ARHGAP17: variants seen among roughly 807,000 people sequenced by gnomAD.
ARHGAP17 encodes Rho GTPase activating protein 17.
In ARHGAP17, 57 loss-of-function variants were observed where a neutral mutation model predicts 99.5. The observed-to-expected ratio is 0.57, with a 90% CI of 0.46 to 0.71. ARHGAP17 has a LOEUF of 0.71. Ranked by LOEUF, ARHGAP17 falls within the 30% of genes least tolerant of loss-of-function variation. ARHGAP17 has a pLI of 0.00. For synonymous variants in ARHGAP17, 417 were observed against 429.6 expected, an observed-to-expected ratio of 0.97 and a Z score of 0.36; for missense variants, 1,000 against 1,122.4, an observed-to-expected ratio of 0.89 and a Z score of 1.56.
At position 24,919,956 on chromosome 16, in the gene ARHGAP17, T is replaced by C; in HGVS notation, c.*174A>G. 1 of 856,668 alleles carries C rather than the reference T, an allele frequency of 1.2e-6. No individual in the cohort carries two copies. Among genetic ancestry groups the C allele is most frequent in the South Asian group, 2.2e-5 (1 of 44,692 alleles). 53.1% of individuals were successfully genotyped at this position (856,668 alleles called of 1,614,324 possible). Reference sequence around the variant, plus strand: ...CAAGACACAGGTCATTCAGCTTTAGTGGTGGCCTCCAGGTTCTCCTTGGGC... The same window carrying C: ...CAAGACACAGGTCATTCAGCTTTAGCGGTGGCCTCCAGGTTCTCCTTGGGC... On this transcript the variant is annotated 3_prime_UTR_variant, in exon 20 of 20. Transcript: ENST00000289968.
Position 24,939,571 on chromosome 16 carries a change from T to A in ARHGAP17, c.1517A>T (p.Gln506Leu). 1 of 1,606,978 alleles carries A rather than the reference T, an allele frequency of 6.2e-7. No individual in the cohort carries two copies. Among genetic ancestry groups the A allele is most frequent in the Non-Finnish European group, 8.5e-7 (1 of 1,177,420 alleles). The change falls in exon 17 of 20, where the codon CAG (glutamine) becomes CTG (leucine). Residue 506 changes from glutamine to leucine, a missense_variant. Coordinates refer to ENST00000289968, the MANE Select transcript of ARHGAP17 (RefSeq NM_001006634.3). ...TAGAGTGCCACCCCGCCGGTGGGCC[T>A]GGAAGTCCATAAGCTTCACACCAAA... ...ESFGVKLMDF[Q>L]AHRRGGTLNR...
At chr16:24,947,396 T>C (rs2051503537) in intron 14 of ARHGAP17, 86 bp downstream of exon 14, 1 of 1,199,118 alleles carries the variant, frequency 8.3e-7, no homozygotes, top group East Asian at 2.5e-5. Context: ...GATCTTAAAC[T>C]AGAATGTGTA....
chr16:24,986,149 G>C (rs952705318), intron 1 of ARHGAP17, among the ~76,000 whole-genome samples: 19 of 152,192 alleles, frequency 1.2e-4, no homozygotes, highest in Admixed American at 9.2e-4. Flanking sequence ...GCCAACAGTA[G>C]CAGCCATATT....
At chr16:24,960,691 C>T (rs1288093249) in intron 7 of ARHGAP17, among the ~76,000 whole-genome samples, 1 of 149,458 alleles carries the variant, frequency 6.7e-6, no homozygotes, top group African/African-American at 2.5e-5. Flanking sequence ...GTGGCGGGCA[C>T]CTGTAGTCCC....
At position 24,943,794 on chromosome 16, in the gene ARHGAP17, T is replaced by C; in HGVS notation, c.1310A>G (p.His437Arg). 3 of 1,614,198 alleles carry C rather than the reference T, an allele frequency of 1.9e-6. No homozygotes were observed. The highest frequency in any genetic ancestry group is 1.7e-6 in the Non-Finnish European group (2 of 1,180,012). ...ACCTTCAGGGAAGAACCAGTCGGCA[T>C]GCTGAATGATGGGTTCAATCACTGC... ...VVAVIEPIIQ[H>R]ADWFFPEEVE... Residue 437 changes from histidine to arginine, a missense_variant, in exon 15 of 20, where the codon CAT becomes CGT. This residue lies in a region of ARHGAP17 where 472 missense variants were observed against 611.1 expected (regional missense o/e 0.77). Transcript: ENST00000289968.
At chr16:25,013,175 A>C (rs2053686593) in intron 1 of ARHGAP17, among the ~76,000 whole-genome samples, 3 of 152,250 alleles carry the variant, frequency 2.0e-5, no homozygotes, top group African/African-American at 7.2e-5. Context: ...TCAGAGGCAG[A>C]GGGACCTTTC....
At chr16:24,920,351 A>G in intron 19 of ARHGAP17, 91 bp from the exon 20 acceptor site, 2 of 1,521,724 alleles carry the variant, frequency 1.3e-6, no homozygotes, top group African/African-American at 2.8e-5. Context: ...GAGGCTGGGA[A>G]GTTTCAGGGT....
intron 19 of ARHGAP17, among the ~76,000 whole-genome samples, chr16:24,930,038 AAATT>A (rs1473123227): frequency 2.0e-5 from 3 of 152,238 alleles, no homozygotes; most frequent in Non-Finnish European, 2.9e-5. Flanking sequence ...ATTAAATAAT[AAATT>A]AGAGCATTTG....
intron 19 of ARHGAP17, among the ~76,000 whole-genome samples, chr16:24,923,523 G>A (rs376045804): frequency 4.6e-5 from 7 of 152,080 alleles, no homozygotes; most frequent in East Asian, 1.9e-4. Flanking sequence ...CCAGAAGTTC[G>A]AGACCAGCCC....
chr16:24,982,994 A>ATTTT (rs2052739702), intron 1 of ARHGAP17, among the ~76,000 whole-genome samples: 1 of 17,386 alleles, frequency 5.8e-5, no homozygotes, highest in African/African-American at 1.6e-4. Flanking sequence ...ATATATATAT[A>ATTTT]TATTTTTTTT....
intron 11 of ARHGAP17, 30 bp downstream of exon 11, chr16:24,952,901 C>T (rs762288204): frequency 7.5e-6 from 12 of 1,604,314 alleles, no homozygotes; most frequent in Non-Finnish European, 1.0e-5. Context: ...TTGAGGGTGA[C>T]TTGATTTGCA....
intron 13 of ARHGAP17, among the ~76,000 whole-genome samples, chr16:24,948,417 G>A (rs959215456): frequency 1.3e-5 from 2 of 152,132 alleles, no homozygotes; most frequent in African/African-American, 4.8e-5. Flanking sequence ...GCTGGGGTAT[G>A]GGAACAGGAG....
intron 19 of ARHGAP17, among the ~76,000 whole-genome samples, chr16:24,928,517 A>G (rs1324569369): frequency 6.6e-6 from 1 of 152,228 alleles, no homozygotes; most frequent in Non-Finnish European, 1.5e-5. Flanking sequence ...CTGGTTTGCA[A>G]TCTTTCATTT....
chr16:24,978,871 A>T, intron 2 of ARHGAP17, 95 bp downstream of exon 2: 1 of 818,178 alleles, frequency 1.2e-6, no homozygotes. Flanking sequence ...CTGGTTAAAA[A>T]AAAAAAAAAA....
chr16:24,967,778 CAAAAAA>C (rs940394750), intron 6 of ARHGAP17, among the ~76,000 whole-genome samples: 1 of 59,418 alleles, frequency 1.7e-5, no homozygotes, highest in African/African-American at 5.8e-5. Flanking sequence ...GACCTTGACT[CAAAAAA>C]AAAAAAAAAA....
chr16:25,006,312 T>C (rs2053504191), intron 1 of ARHGAP17, among the ~76,000 whole-genome samples: 1 of 149,852 alleles, frequency 6.7e-6, no homozygotes, highest in African/African-American at 2.5e-5. Flanking sequence ...TAGCCGGACA[T>C]GGTGGTGTGC....
rs55804391 is a variant in ARHGAP17 at position 25,003,797 on chromosome 16, T to C, written c.53+11412A>G. 7.3e-3 allele frequency among the ~76,000 whole-genome samples: 1,100 copies of C among 150,912 alleles called. 9 individuals are homozygous for C. Among genetic ancestry groups the C allele is most frequent in the African/African-American group, 0.025 (1,012 of 41,152 alleles). On this transcript the variant is annotated intron_variant, in intron 1 of 19. Coordinates refer to ENST00000289968, the MANE Select transcript of ARHGAP17 (RefSeq NM_001006634.3). Reference sequence around the variant, plus strand: ...GAGACTGTGCTATTGCACTCCACCCTGGGTGACAGAGCAAGAATCCATCTC... The same window carrying C: ...GAGACTGTGCTATTGCACTCCACCCCGGGTGACAGAGCAAGAATCCATCTC...
At chr16:24,924,441 T>C (rs549662933) in intron 19 of ARHGAP17, among the ~76,000 whole-genome samples, 1 of 76,666 alleles carries the variant, frequency 1.3e-5, no homozygotes, top group Non-Finnish European at 3.6e-5. Flanking sequence ...GTCTCTTTTC[T>C]GTTTTTTTTT....
At chr16:24,983,186 G>C (rs1401052005) in intron 1 of ARHGAP17, among the ~76,000 whole-genome samples, 1 of 150,720 alleles carries the variant, frequency 6.6e-6, no homozygotes, top group East Asian at 2.0e-4. Context: ...TCTATTTTTA[G>C]TAGAGACAGG....
Sources: gnomAD v4.1 joint callset for allele counts (sites outside exome capture counted in the v4.1 genomes callset) on GRCh38, gnomAD v4.1.1 for gene constraint, gnomAD v4.1.1 regional missense constraint, MANE v1.5 for transcripts, NCBI Gene and HGNC (gene_info 2026-07-23, HGNC 2026-07-21) for gene names.